MYO16: variants seen among roughly 807,000 people sequenced by gnomAD.
MYO16 encodes the protein myosin XVI.
Under a neutral mutation model 205.3 loss-of-function variants are expected in MYO16, and 94 were observed. The observed-to-expected ratio is 0.46, with a 90% CI of 0.39 to 0.54. MYO16 has a LOEUF of 0.54. Ranked by LOEUF, MYO16 falls within the 20% of genes least tolerant of loss-of-function variation. The pLI, the probability that MYO16 is intolerant of heterozygous loss-of-function variation, is 0.00. For synonymous variants in MYO16, 988 were observed against 954.0 expected, an observed-to-expected ratio of 1.04 and a Z score of -0.66; for missense variants, 2,315 against 2,387.5, an observed-to-expected ratio of 0.97 and a Z score of 0.63.
Position 108,875,723 on chromosome 13 carries a change from G to A in MYO16, c.1426-7336G>A, listed in dbSNP as rs555490906. ...AAACCCTAGCCAGCTGTGGCCTAGG[G>A]TTTTTAAATTGAAAACCCTAGCCAC... On this transcript the variant is annotated intron_variant, in intron 12 of 34. Coordinates refer to ENST00000457511, the MANE Select transcript of MYO16 (RefSeq NM_001198950.3). Among the ~76,000 whole-genome samples, 62 of 152,070 alleles carry A rather than the reference G, an allele frequency of 4.1e-4. No individual in the cohort carries two copies. The South Asian group carries it at 0.013, about 31-fold the overall frequency.
chr13:108,773,727 C>A (rs1417804138), intron 4 of MYO16, among the ~76,000 whole-genome samples: 1 of 152,090 alleles, frequency 6.6e-6, no homozygotes, highest in Non-Finnish European at 1.5e-5. Flanking sequence ...TCAGTTCAAA[C>A]CATAACAGGT....
At chr13:109,084,173 T>G (rs12430420) in intron 27 of MYO16, among the ~76,000 whole-genome samples, 1,818 of 152,304 alleles carry the variant, frequency 0.012, 22 homozygotes, top group South Asian at 0.033. Flanking sequence ...TTATAAATTT[T>G]TAAAATAATC....
the MYO16 span, among the ~76,000 whole-genome samples, chr13:108,529,142 T>C: frequency 6.6e-6 from 1 of 152,204 alleles, no homozygotes; most frequent in South Asian, 2.1e-4. Flanking sequence ...CCACCAATTG[T>C]CCTTATGGTT....
At chr13:108,995,571 A>G (rs984313252) in intron 21 of MYO16, among the ~76,000 whole-genome samples, 1 of 151,786 alleles carries the variant, frequency 6.6e-6, no homozygotes, top group African/African-American at 2.4e-5. Context: ...GTATATCTCC[A>G]AATGCTATCC....
rs1887110779 is a variant in MYO16 at position 109,048,156 on chromosome 13, TGTGTGTGTGTG to T, written c.2872+1166_2872+1176del. On this transcript the variant is annotated intron_variant, in intron 24 of 34. Coordinates refer to ENST00000457511, the MANE Select transcript of MYO16 (RefSeq NM_001198950.3). Reference sequence around the variant, plus strand: ...TTGTATTTCATGTTAATAGGATATGTGTGTGTGTGTGTGTGTGTGTGTGTGTGTGTGTGTGT... The same window carrying T: ...TTGTATTTCATGTTAATAGGATATGTTGTGTGTGTGTGTGTGTGTGTGTGT... Among the ~76,000 whole-genome samples, 3 of 92 alleles carry T rather than the reference TGTGTGTGTGTG, an allele frequency of 0.033. No homozygotes were observed. The East Asian group carries it at 0.38, about 11-fold the overall frequency. The allele number at this position is 92 out of a possible 152,430, so 0.1% of individuals were successfully genotyped here.
chr13:108,534,808 TTCCTCCTCC>T, the MYO16 span, among the ~76,000 whole-genome samples: 1 of 150,454 alleles, frequency 6.6e-6, no homozygotes. Flanking sequence ...TCTTCCTTCC[TTCCTCCTCC>T]TCCTCTTCTT....
chr13:108,640,433 A>G (rs1320404719), intron 1 of MYO16, among the ~76,000 whole-genome samples: 1 of 152,198 alleles, frequency 6.6e-6, no homozygotes, highest in African/African-American at 2.4e-5. Context: ...TACAGAACAC[A>G]TATGAGCTTT....
intron 20 of MYO16, among the ~76,000 whole-genome samples, chr13:108,977,276 T>C (rs565222492): frequency 1.3e-5 from 2 of 152,348 alleles, no homozygotes; most frequent in African/African-American, 4.8e-5. Flanking sequence ...TAGTTCACTA[T>C]TGGTGGACAC....
intron 1 of MYO16, among the ~76,000 whole-genome samples, chr13:108,599,069 T>C (rs1878667560): frequency 6.8e-6 from 1 of 147,120 alleles, no homozygotes; most frequent in African/African-American, 2.5e-5. Flanking sequence ...TCAATTCCAA[T>C]CTATGAGTGA....
chr13:108,581,404 A>C, the MYO16 span, among the ~76,000 whole-genome samples: 4 of 152,118 alleles, frequency 2.6e-5, no homozygotes, highest in Admixed American at 6.6e-5. Context: ...AAACTCTATT[A>C]CTGTCTAATT....
At chr13:108,991,347 A>G (rs1399519259) in intron 20 of MYO16, among the ~76,000 whole-genome samples, 2 of 152,154 alleles carry the variant, frequency 1.3e-5, no homozygotes, top group Non-Finnish European at 1.5e-5. Context: ...AGTAAATTCT[A>G]TTTCCAAGAG....
In MYO16 at chr13:108,860,185, C is replaced by T. The variant is rs540000345; in HGVS notation, c.1359+4632C>T. Among the ~76,000 whole-genome samples, 6 of 146,270 alleles carry T rather than the reference C, an allele frequency of 4.1e-5. No individual in the cohort carries two copies. The East Asian group carries it at 1.8e-3, about 44-fold the overall frequency. The stretch of plus-strand genomic sequence containing the variant: ...ATTCCAGCCTCCTTGGCCAAGTAGG[C>T]CCTGGTGACTACCGTTTCCTTCTTT... On this transcript the variant is annotated intron_variant, in intron 11 of 34. Coordinates refer to ENST00000457511, the MANE Select transcript of MYO16 (RefSeq NM_001198950.3).
chr13:108,584,571 C>T, the MYO16 span, among the ~76,000 whole-genome samples: 57 of 152,068 alleles, frequency 3.7e-4, no homozygotes, highest in African/African-American at 1.3e-3. Flanking sequence ...GAACTCATTC[C>T]CTCCATCTTG....
intron 1 of MYO16, among the ~76,000 whole-genome samples, chr13:108,617,008 T>G (rs1250341927): frequency 6.6e-6 from 1 of 152,166 alleles, no homozygotes; most frequent in Non-Finnish European, 1.5e-5. Context: ...TGATTCCATC[T>G]CAGTGTCCTC....
At chr13:108,593,594 A>G (rs1594131044), upstream of MYO16, among the ~76,000 whole-genome samples, 1 of 152,318 alleles carries the variant, frequency 6.6e-6, no homozygotes, top group Middle Eastern at 3.4e-3. Context: ...GTGTATCTTA[A>G]CCCATGACAT....
chr13:108,582,278 G>A, the MYO16 span, among the ~76,000 whole-genome samples: 1 of 152,056 alleles, frequency 6.6e-6, no homozygotes, highest in Non-Finnish European at 1.5e-5. Flanking sequence ...AAACACCACC[G>A]AGTCATTTAG....
At chr13:108,845,664 A>G (rs527724213) in intron 10 of MYO16, among the ~76,000 whole-genome samples, 129 of 152,284 alleles carry the variant, frequency 8.5e-4, no homozygotes, top group South Asian at 8.3e-4. Context: ...TTGGAGAAAT[A>G]CAATTAGTCC....
chr13:109,074,171 G>T (rs138244217), intron 27 of MYO16, among the ~76,000 whole-genome samples: 1 of 152,066 alleles, frequency 6.6e-6, no homozygotes, highest in African/African-American at 2.4e-5. Flanking sequence ...GAAAAAAATT[G>T]TGTTTTTACA....
At chr13:108,905,145 T>A (rs1354357227) in intron 15 of MYO16, among the ~76,000 whole-genome samples, 1 of 152,166 alleles carries the variant, frequency 6.6e-6, no homozygotes, top group Non-Finnish European at 1.5e-5. Flanking sequence ...GCTGGGCACA[T>A]GGAAAAGGGC....
Sources: allele counts gnomAD v4.1 joint callset (sites outside exome capture counted in the v4.1 genomes callset), GRCh38; gene constraint gnomAD v4.1.1; transcripts MANE v1.5; gene names NCBI Gene and HGNC (gene_info 2026-07-23, HGNC 2026-07-21).